ACACA: variants seen among roughly 807,000 people sequenced by gnomAD.
The protein encoded by ACACA is acetyl-CoA carboxylase 1.
ACACA carries 103 observed loss-of-function variants against 296.1 expected under a neutral mutation model. The ratio of observed to expected loss-of-function variants is 0.35; its 90% CI spans 0.30 to 0.41. ACACA has a LOEUF of 0.41. ACACA is among the 10% of genes least tolerant of loss of function. ACACA has a pLI of 1.00. For missense variants in ACACA, 1,554 were observed against 2,989.7 expected (o/e 0.52, Z 11.20); for synonymous variants, 953 against 1,038.6 (o/e 0.92, Z 1.58).
intron 3 of ACACA, among the ~76,000 whole-genome samples, chr17:37,298,662 C>A (rs2083469467): frequency 6.6e-6 from 1 of 152,168 alleles, no homozygotes; most frequent in Non-Finnish European, 1.5e-5. Flanking sequence ...ACAAGCAAAT[C>A]ATTCAAGTCT....
chr17:37,255,587 G>C (rs1365870884), intron 14 of ACACA, among the ~76,000 whole-genome samples: 2 of 152,172 alleles, frequency 1.3e-5, no homozygotes, highest in Non-Finnish European at 2.9e-5. Context: ...AAAATACACA[G>C]TGGTCTGCCA....
intron 52 of ACACA, among the ~76,000 whole-genome samples, chr17:37,109,909 G>A (rs2073890569): frequency 6.6e-6 from 1 of 152,218 alleles, no homozygotes; most frequent in Non-Finnish European, 1.5e-5. Flanking sequence ...TCAGCAGGCA[G>A]TGTAAGATAA....
chr17:37,293,742 A>G (rs903271699), intron 3 of ACACA, among the ~76,000 whole-genome samples: 8 of 151,970 alleles, frequency 5.3e-5, no homozygotes, highest in African/African-American at 1.9e-4. Context: ...GGGTTTCGCC[A>G]CTGGCCAGGC....
At chr17:37,385,158 A>G (rs1392057737) in intron 1 of ACACA, among the ~76,000 whole-genome samples, 1 of 152,010 alleles carries the variant, frequency 6.6e-6, no homozygotes, top group Non-Finnish European at 1.5e-5. Flanking sequence ...TTCCCCACAC[A>G]GTAGCCCAGA....
chr17:37,356,265 CAATAGTT>C (rs1385779969), intron 1 of ACACA, among the ~76,000 whole-genome samples: 3 of 152,178 alleles, frequency 2.0e-5, no homozygotes, highest in African/African-American at 7.2e-5. Context: ...GTAATTATCT[CAATAGTT>C]AATAGGAATT....
At chr17:37,184,001 C>T (rs140643605) in intron 39 of ACACA, among the ~76,000 whole-genome samples, 3,866 of 151,654 alleles carry the variant, frequency 0.025, 89 homozygotes, top group African/African-American at 0.056. Flanking sequence ...TACAGGCATG[C>T]GCCACCACGC....
intron 24 of ACACA, among the ~76,000 whole-genome samples, chr17:37,239,592 T>C (rs978164182): frequency 6.6e-6 from 1 of 152,212 alleles, no homozygotes; most frequent in Non-Finnish European, 1.5e-5. Flanking sequence ...TTAAATTCTG[T>C]CAAATGCTCC....
rs2082634057 is a variant in ACACA, at chr17:37,283,422, G to A, written c.472-17C>T. The stretch of plus-strand genomic sequence containing the variant: ...AATAAGAACCTGGGAGGGGGAAGGA[G>A]ATGGGAATGGGAAGAAAAGGCAGAA... On this transcript the variant is annotated splice_polypyrimidine_tract_variant and intron_variant, in intron 4 of 55. Coordinates refer to ENST00000616317, the MANE Select transcript of ACACA (RefSeq NM_198834.3). 2 of 1,613,962 alleles carry A rather than the reference G, an allele frequency of 1.2e-6. No individual in the cohort carries two copies. The highest frequency in any genetic ancestry group is 1.7e-6 in the Non-Finnish European group (2 of 1,179,916).
chr17:37,343,149 T>C (rs889390082), intron 1 of ACACA, among the ~76,000 whole-genome samples: 1 of 151,962 alleles, frequency 6.6e-6, no homozygotes, highest in East Asian at 2.0e-4. Flanking sequence ...GGCTGATTTT[T>C]GTATTTTTAG....
chr17:37,362,141 A>G (rs2049428341), intron 1 of ACACA, among the ~76,000 whole-genome samples: 1 of 152,202 alleles, frequency 6.6e-6, no homozygotes, highest in Admixed American at 6.5e-5. Flanking sequence ...AAAATATCAG[A>G]AAAAAACTAA....
intron 47 of ACACA, among the ~76,000 whole-genome samples, chr17:37,128,053 A>AAAAAAAAAAAAAAAG (rs2074904020): frequency 6.9e-6 from 1 of 144,708 alleles, no homozygotes; most frequent in East Asian, 1.9e-4. Context: ...AAAAAAAAAA[A>AAAAAAAAAAAAAAAG]ACAGTAGGAA....
intron 29 of ACACA, among the ~76,000 whole-genome samples, chr17:37,216,154 ACAC>A (rs1555600451): frequency 9.6e-5 from 13 of 134,898 alleles, no homozygotes; most frequent in Admixed American, 2.3e-4. Flanking sequence ...ACACACACAC[ACAC>A]AACATACACA....
rs559974315 is a variant in ACACA, at chr17:37,341,629, G to A, written c.39-1779C>T. ...CGCTTGAACCCGAGAGGTGGAGGTT[G>A]CAGTGAGCCAAGATCACCCCACTGC... On this transcript the variant is annotated intron_variant, in intron 1 of 55. Transcript: ENST00000616317. Among the ~76,000 whole-genome samples, 4 of 151,156 alleles carry A rather than the reference G, an allele frequency of 2.6e-5. No individual in the cohort carries two copies. In the South Asian group the frequency reaches 8.4e-4, roughly 32 times the overall value.
intron 25 of ACACA, among the ~76,000 whole-genome samples, chr17:37,233,274 C>A (rs1428622462): frequency 6.6e-6 from 1 of 152,210 alleles, no homozygotes; most frequent in Admixed American, 6.5e-5. Context: ...GAGAAATGAA[C>A]AGCCCTGGCT....
chr17:37,354,629 A>G (rs979393782), intron 1 of ACACA, among the ~76,000 whole-genome samples: 2 of 152,210 alleles, frequency 1.3e-5, no homozygotes, highest in African/African-American at 4.8e-5. Context: ...CAGTTTTTTA[A>G]AATTAAAGAA....
intron 41 of ACACA, among the ~76,000 whole-genome samples, chr17:37,177,810 C>T (rs2077176885): frequency 6.6e-6 from 1 of 152,180 alleles, no homozygotes; most frequent in Non-Finnish European, 1.5e-5. Flanking sequence ...CCTTCCACCC[C>T]AGTCCTCTTG....
chr17:37,258,451 A>G (rs988057535), intron 12 of ACACA, 78 bp from the exon 13 acceptor site: 1 of 1,435,082 alleles, frequency 7.0e-7, no homozygotes, highest in Admixed American at 1.7e-5. Context: ...ATAACCTAAA[A>G]TATTTTTATT....
At chr17:37,189,034 C>T (rs1159693633) in intron 38 of ACACA, among the ~76,000 whole-genome samples, 1 of 152,198 alleles carries the variant, frequency 6.6e-6, no homozygotes, top group Non-Finnish European at 1.5e-5. Context: ...AGAACATTCT[C>T]TCTAAACAGA....
chr17:37,155,709 T>A lies in ACACA; in HGVS notation c.5421A>T (p.Glu1807Asp). The A allele has an allele frequency of 6.2e-7, 1 of 1,610,282 alleles. No individual in the cohort carries two copies. The highest frequency in any genetic ancestry group is 8.5e-7 in the Non-Finnish European group (1 of 1,177,910). Residue 1807 changes from glutamate (E) to aspartate (D), a missense_variant, in exon 43 of 56, where the codon GAA (glutamate) becomes GAT (aspartate). Around this residue, in one of 16 missense-constraint regions of ACACA, gnomAD observed 553 missense variants for 1,043.6 expected, o/e 0.53. Transcript: ENST00000616317. Reference sequence around the variant, plus strand: ...TGGATTCTCCTTCATCTTCCACGTGTTCACAATGGACAGAGTTGAGAGCAC... The same window carrying A: ...TGGATTCTCCTTCATCTTCCACGTGATCACAATGGACAGAGTTGAGAGCAC... ...RVSALNSVHC[E>D]HVEDEGESRY...
Sources: allele counts gnomAD v4.1 joint callset (sites outside exome capture counted in the v4.1 genomes callset), GRCh38; gene constraint gnomAD v4.1.1; regional missense constraint gnomAD v4.1.1; transcripts MANE v1.5; gene names NCBI Gene and HGNC (gene_info 2026-07-23, HGNC 2026-07-21).